The following MAF variants were observed in gnomAD, a reference collection of about 807,000 sequenced individuals.
MAF encodes MAF bZIP transcription factor.
A neutral mutation model predicts 22.0 loss-of-function variants in MAF; 10 were observed. That is an observed-to-expected ratio of 0.45 (90% CI 0.28 to 0.77). The LOEUF (loss-of-function observed/expected upper bound fraction) is 0.77, where lower values mean the gene tolerates loss of function less well. Among genes scored for constraint, MAF ranks in the 30% least tolerant of loss-of-function variants. MAF has a pLI of 0.12. For synonymous variants in MAF, 337 were observed against 255.8 expected (o/e 1.32, Z -3.03); for missense variants, 544 against 548.4 (o/e 0.99, Z 0.08).
chr16:79,303,774 T>C, the MAF span, among the ~76,000 whole-genome samples: 1 of 152,196 alleles, frequency 6.6e-6, no homozygotes, highest in African/African-American at 2.4e-5. Context: ...CACAAGCCAA[T>C]GTTTATTAAA....
chr16:79,223,126 A>G, the MAF span, among the ~76,000 whole-genome samples: 3 of 152,216 alleles, frequency 2.0e-5, no homozygotes, highest in African/African-American at 7.2e-5. Flanking sequence ...GAAGTAAAAC[A>G]CTACTCAGCA....
chr16:79,523,918 C>T, the MAF span, among the ~76,000 whole-genome samples: 1 of 152,140 alleles, frequency 6.6e-6, no homozygotes, highest in Non-Finnish European at 1.5e-5. Context: ...TTTATTGTGG[C>T]TTATTTCTTT....
the MAF span, among the ~76,000 whole-genome samples, chr16:79,557,587 T>C: frequency 2.0e-5 from 3 of 152,062 alleles, no homozygotes; most frequent in African/African-American, 7.3e-5. Flanking sequence ...AGACTCAGCT[T>C]CCTCCTCTGC....
chr16:79,554,157 T>G, the MAF span, among the ~76,000 whole-genome samples: 4 of 152,100 alleles, frequency 2.6e-5, no homozygotes, highest in African/African-American at 9.7e-5. Context: ...GAATGATTGA[T>G]TCTAAAGTGC....
chr16:79,478,413 G>C, the MAF span, among the ~76,000 whole-genome samples: 3 of 152,252 alleles, frequency 2.0e-5, 1 homozygote, highest in African/African-American at 7.2e-5. Flanking sequence ...CAGGCAGTTT[G>C]TTTCCAAAGC....
At chr16:79,326,936 G>C in the MAF span, among the ~76,000 whole-genome samples, 4 of 152,274 alleles carry the variant, frequency 2.6e-5, no homozygotes, top group African/African-American at 9.6e-5. Flanking sequence ...ATTCCAGATG[G>C]GATAAGCTGG....
chr16:79,378,458 A>G, the MAF span, among the ~76,000 whole-genome samples: 54 of 152,314 alleles, frequency 3.5e-4, no homozygotes, highest in East Asian at 9.1e-3. Context: ...TGAGGCATGT[A>G]AGGTGTATTC....
chr16:79,209,916 A>C, the MAF span, among the ~76,000 whole-genome samples: 3 of 152,238 alleles, frequency 2.0e-5, no homozygotes, highest in African/African-American at 4.8e-5. Context: ...ATTAGACTTG[A>C]GCCACACAAA....
the MAF span, among the ~76,000 whole-genome samples, chr16:79,446,414 A>G: frequency 6.6e-6 from 1 of 152,134 alleles, no homozygotes; most frequent in East Asian, 1.9e-4. Flanking sequence ...CCCAGGTTAC[A>G]CCTGTTGTCC....
chr16:79,433,214 C>T, the MAF span, among the ~76,000 whole-genome samples: 13 of 150,456 alleles, frequency 8.6e-5, no homozygotes, highest in Admixed American at 3.3e-4. Flanking sequence ...CCTTTTCTCT[C>T]GCAAAGGATT....
At chr16:79,334,383 A>G in the MAF span, among the ~76,000 whole-genome samples, 6 of 152,286 alleles carry the variant, frequency 3.9e-5, no homozygotes, top group South Asian at 2.1e-4. Flanking sequence ...CGCGCTGTGC[A>G]AGGCCAGGGA....
At chr16:79,386,621 T>C in the MAF span, among the ~76,000 whole-genome samples, 4 of 152,184 alleles carry the variant, frequency 2.6e-5, no homozygotes, top group African/African-American at 7.2e-5. Flanking sequence ...TATAACTATA[T>C]ACACATATAT....
chr16:79,352,042 G>C, the MAF span, among the ~76,000 whole-genome samples: 2 of 152,060 alleles, frequency 1.3e-5, no homozygotes, highest in Non-Finnish European at 2.9e-5. Flanking sequence ...TCTGGATCTG[G>C]GCTGCCCAGA....
chr16:79,336,831 G>C, the MAF span, among the ~76,000 whole-genome samples: 2 of 152,148 alleles, frequency 1.3e-5, no homozygotes, highest in African/African-American at 4.8e-5. Flanking sequence ...ACCTTCTGGA[G>C]CTACAAATTA....
chr16:79,406,568 C>T, the MAF span, among the ~76,000 whole-genome samples: 2 of 152,124 alleles, frequency 1.3e-5, no homozygotes, highest in Non-Finnish European at 2.9e-5. Context: ...CCACAGATCC[C>T]AAACATGAAA....
chr16:79,337,793 C>T, the MAF span, among the ~76,000 whole-genome samples: 1 of 152,194 alleles, frequency 6.6e-6, no homozygotes, highest in South Asian at 2.1e-4. Flanking sequence ...GGACAGTGCT[C>T]TGTAAACTAT....
the MAF span, among the ~76,000 whole-genome samples, chr16:79,317,737 T>C: frequency 2.8e-4 from 42 of 152,332 alleles, no homozygotes; most frequent in African/African-American, 9.6e-4. Flanking sequence ...ACATTCCTCA[T>C]GCCTGGCTGC....
the MAF span, among the ~76,000 whole-genome samples, chr16:79,294,762 G>A: frequency 6.6e-6 from 1 of 152,166 alleles, no homozygotes; most frequent in Non-Finnish European, 1.5e-5. Flanking sequence ...GTCTGCACTG[G>A]TTGCACAGGG....
chr16:79,580,986 A>G (rs1912482228), downstream of MAF, among the ~76,000 whole-genome samples: 1 of 152,152 alleles, frequency 6.6e-6, no homozygotes, highest in South Asian at 2.1e-4. Context: ...CAACACGGGT[A>G]AAGGAATTTC....
Sources: gnomAD v4.1 joint callset for allele counts (sites outside exome capture counted in the v4.1 genomes callset) on GRCh38, gnomAD v4.1.1 for gene constraint, MANE v1.5 for transcripts, NCBI Gene and HGNC (gene_info 2026-07-23, HGNC 2026-07-21) for gene names.